ITPKB: variants seen among roughly 807,000 people sequenced by gnomAD.
ITPKB encodes IP3 3-kinase B.
A neutral mutation model predicts 69.4 loss-of-function variants in ITPKB; 13 were observed. The observed-to-expected ratio is 0.19, with a 90% CI of 0.12 to 0.30. ITPKB has a LOEUF of 0.30. ITPKB is among the 10% of genes least tolerant of loss of function. The pLI is 1.00. For synonymous variants in ITPKB, 584 were observed against 513.7 expected, an observed-to-expected ratio of 1.14 and a Z score of -1.85; for missense variants, 1,240 against 1,250.5, an observed-to-expected ratio of 0.99 and a Z score of 0.13.
intron 2 of ITPKB, among the ~76,000 whole-genome samples, chr1:226,688,816 G>A (rs1470520572): frequency 1.3e-5 from 2 of 152,238 alleles, no homozygotes; most frequent in African/African-American, 4.8e-5. Context: ...GTCAAAGACA[G>A]ATGGGTAGGG....
intron 2 of ITPKB, chr1:226,656,826 C>T (rs556112479): frequency 7.2e-5 from 11 of 152,390 alleles, no homozygotes; most frequent in Admixed American, 2.0e-4. Flanking sequence ...TGCACACACC[C>T]TGCCCTCCCC....
intron 2 of ITPKB, among the ~76,000 whole-genome samples, chr1:226,716,185 T>C (rs940565483): frequency 3.9e-5 from 6 of 152,222 alleles, no homozygotes; most frequent in African/African-American, 9.6e-5. Flanking sequence ...CTTAAAGTAG[T>C]GTGGTTGATG....
chr1:226,666,137 G>A (rs913352507), intron 2 of ITPKB, among the ~76,000 whole-genome samples: 2 of 152,200 alleles, frequency 1.3e-5, no homozygotes, highest in Non-Finnish European at 2.9e-5. Flanking sequence ...AATGATAAAG[G>A]CATCAGTCCT....
At chr1:226,714,822 C>T (rs1030335350) in intron 2 of ITPKB, among the ~76,000 whole-genome samples, 1 of 152,224 alleles carries the variant, frequency 6.6e-6, no homozygotes. Context: ...GAAGACAGTA[C>T]AGAGTGGTGG....
rs1016820414 is a variant in ITPKB at position 226,634,345 on chromosome 1, T to C, written c.*326A>G. The C allele has an allele frequency of 2.8e-5, 9 of 318,058 alleles. No individual in the cohort carries two copies. Among genetic ancestry groups the C allele is most frequent in the East Asian group, 2.7e-4 (4 of 14,764 alleles). The allele number at this position is 318,058 out of a possible 1,614,324, so 19.7% of individuals were successfully genotyped here. A position where few individuals can be genotyped will look rare whatever the true frequency, so the allele number is the denominator to read the frequency against. ...GTGGTAGGTCCAGGCTGGTGCTTCC[T>C]AGGGGGCTCCCAGAGGCAGGGCTCA... is the stretch of plus-strand genomic sequence containing the variant. On this transcript the variant is annotated 3_prime_UTR_variant, in exon 8 of 8. Coordinates refer to ENST00000429204, the MANE Select transcript of ITPKB (RefSeq NM_002221.4). This position sits in a 1 kb window ranked among gnomAD's most constrained non-coding sequence, Gnocchi z 6.3.
chr1:226,672,935 A>G (rs1669647192), intron 2 of ITPKB, among the ~76,000 whole-genome samples: 1 of 152,214 alleles, frequency 6.6e-6, no homozygotes, highest in Non-Finnish European at 1.5e-5. Flanking sequence ...TCTGTACCCC[A>G]ATTCCAGTAA....
intron 2 of ITPKB, among the ~76,000 whole-genome samples, chr1:226,683,436 C>G (rs1279300450): frequency 6.6e-6 from 1 of 152,164 alleles, no homozygotes; most frequent in African/African-American, 2.4e-5. Flanking sequence ...AACAGAGGCT[C>G]AGGCAGATGC....
At chr1:226,681,129 C>T (rs1656083532) in intron 2 of ITPKB, among the ~76,000 whole-genome samples, 1 of 152,178 alleles carries the variant, frequency 6.6e-6, no homozygotes, top group African/African-American at 2.4e-5. Context: ...TGCCTCTTCT[C>T]ACCATGTCAA....
chr1:226,685,048 A>G (rs1656175633), intron 2 of ITPKB, among the ~76,000 whole-genome samples: 1 of 152,228 alleles, frequency 6.6e-6, no homozygotes, highest in South Asian at 2.1e-4. Flanking sequence ...TGAATGCCTG[A>G]GTAGACATTT....
At chr1:226,659,448 C>A (rs1669359884) in intron 2 of ITPKB, 3 of 152,282 alleles carry the variant, frequency 2.0e-5, no homozygotes, top group Admixed American at 1.3e-4. Context: ...TCCGTCAGGG[C>A]AAGCCATCCC....
In ITPKB at chr1:226,719,289, G is replaced by C. The variant is rs145907187; in HGVS notation, c.1932+16238C>G. Among the ~76,000 whole-genome samples, 878 of 152,242 alleles carry C rather than the reference G, an allele frequency of 5.8e-3. 5 individuals are homozygous for C. Among genetic ancestry groups the C allele is most frequent in the African/African-American group, 0.02 (846 of 41,566 alleles). On this transcript the variant is annotated intron_variant, in intron 2 of 7. Transcript: ENST00000429204. ...GCGGGACAAAACAAAACAAAAAATT[G>C]AATCTGAATCTCTGAGGGTAGCATA... is the stretch of plus-strand genomic sequence containing the variant.
Position 226,723,441 on chromosome 1 carries a change from G to A in ITPKB, c.1932+12086C>T, listed in dbSNP as rs373144028. On this transcript the variant is annotated intron_variant, in intron 2 of 7. Coordinates refer to ENST00000429204, the MANE Select transcript of ITPKB (RefSeq NM_002221.4). ...AGAGAGCCTGTGTTAATAAGCACGT[G>A]CCTGGCCTGGCACCAGATGCGGCAC... Among the ~76,000 whole-genome samples the A allele has an allele frequency of 9.9e-5, 15 of 152,268 alleles. No individual in the cohort carries two copies. In the South Asian group the frequency reaches 2.9e-3, roughly 29 times the overall value.
Position 226,712,849 on chromosome 1 carries a change from G to A in ITPKB, c.1932+22678C>T, listed in dbSNP as rs370495541. Among the ~76,000 whole-genome samples the A allele has an allele frequency of 9.2e-5, 14 of 152,196 alleles. No individual in the cohort carries two copies. In the East Asian group the frequency reaches 2.5e-3, roughly 27 times the overall value. The stretch of plus-strand genomic sequence containing the variant: ...GCACCCTGAGTGTCTGCTTGGGGAG[G>A]GAGGAAACACACAACCCAGATTAAG... On this transcript the variant is annotated intron_variant, in intron 2 of 7. Coordinates refer to ENST00000429204, the MANE Select transcript of ITPKB (RefSeq NM_002221.4).
chr1:226,691,118 T>C (rs1656338866), intron 2 of ITPKB, among the ~76,000 whole-genome samples: 1 of 152,086 alleles, frequency 6.6e-6, no homozygotes, highest in African/African-American at 2.4e-5. Flanking sequence ...AATGAAAAAG[T>C]TCTAGAGATG....
chr1:226,701,904 A>G (rs1295499886), intron 2 of ITPKB, among the ~76,000 whole-genome samples: 4 of 152,132 alleles, frequency 2.6e-5, no homozygotes, highest in African/African-American at 9.7e-5. Context: ...GGTACCAAAT[A>G]GCCATTTCCT....
chr1:226,637,898 G>T lies in ITPKB; in HGVS notation c.2554-148C>A, dbSNP rs1668874338. 3.1e-6 allele frequency: 2 copies of T among 648,384 alleles called. No individual in the cohort carries two copies. The allele number at this position is 648,384 out of a possible 1,614,324, so 40.2% of individuals were successfully genotyped here. A position where few individuals can be genotyped will look rare whatever the true frequency, so the allele number is the denominator to read the frequency against. ...GAGGCAGCTTCCTGCGAGCAGGGCT[G>T]CTGTGGCGTCTTTCTCAGCATAAAT... On this transcript the variant is annotated intron_variant, in intron 6 of 7. Transcript: ENST00000429204. This position sits in a 1 kb window ranked among gnomAD's most constrained non-coding sequence, Gnocchi z 4.3.
intron 2 of ITPKB, among the ~76,000 whole-genome samples, chr1:226,663,982 T>C (rs894623817): frequency 5.9e-5 from 9 of 152,150 alleles, no homozygotes; most frequent in African/African-American, 2.2e-4. Flanking sequence ...CCCTCAGATT[T>C]ACAGAGAAGC....
At chr1:226,645,118 G>A (rs1669037189) in intron 4 of ITPKB, among the ~76,000 whole-genome samples, 1 of 152,220 alleles carries the variant, frequency 6.6e-6, no homozygotes, top group Admixed American at 6.5e-5. Flanking sequence ...ACTGGAACAT[G>A]ACCCATCTCC....
intron 2 of ITPKB, chr1:226,659,767 G>A (rs1359003389): frequency 2.6e-5 from 4 of 152,172 alleles, no homozygotes; most frequent in East Asian, 2.0e-4. Flanking sequence ...GGGGTGCTTC[G>A]TGATTCTTGT....
Sources: gnomAD v4.1 joint callset for allele counts (sites outside exome capture counted in the v4.1 genomes callset) on GRCh38, gnomAD v4.1.1 for gene constraint, Gnocchi (gnomAD v3.1) non-coding constraint, MANE v1.5 for transcripts, NCBI Gene and HGNC (gene_info 2026-07-23, HGNC 2026-07-21) for gene names.